Variants in CSMD2 observed in about 807,000 individuals in gnomAD.
The protein encoded by CSMD2 is CUB and sushi domain-containing protein 2.
In CSMD2, 130 loss-of-function variants were observed where a neutral mutation model predicts 398.5. The observed-to-expected ratio is 0.33, with a 90% confidence interval of 0.28 to 0.38. The LOEUF (loss-of-function observed/expected upper bound fraction) is 0.38. Among genes scored for constraint, CSMD2 ranks in the 10% least tolerant of loss-of-function variants. CSMD2 has a pLI of 1.00. For missense variants in CSMD2, 3,829 were observed against 4,764.9 expected, an observed-to-expected ratio of 0.80 and a Z score of 5.78; for synonymous variants, 1,828 against 1,908.5, an observed-to-expected ratio of 0.96 and a Z score of 1.10.
At chr1:33,544,073 G>A (rs1235681545) in intron 57 of CSMD2, among the ~76,000 whole-genome samples, 2 of 150,550 alleles carry the variant, frequency 1.3e-5, no homozygotes, top group East Asian at 1.9e-4. Flanking sequence ...TGGAATCCTC[G>A]CTGGAGTGAC....
intron 5 of CSMD2, among the ~76,000 whole-genome samples, chr1:33,914,053 T>A (rs963948534): frequency 2.0e-5 from 3 of 152,096 alleles, no homozygotes; most frequent in Non-Finnish European, 4.4e-5. Context: ...GTATCCCCAG[T>A]CCCAGTCCTT....
chr1:33,644,645 C>A (rs555711068), intron 29 of CSMD2, among the ~76,000 whole-genome samples: 8 of 151,990 alleles, frequency 5.3e-5, no homozygotes, highest in African/African-American at 1.9e-4. Flanking sequence ...GCGGGCAGGA[C>A]AATTGAGGGT....
In CSMD2 at chr1:33,743,319, G is replaced by A; in HGVS notation, c.2134C>T (p.His712Tyr). Residue 712 changes from histidine (H) to tyrosine (Y), a missense_variant, in exon 14 of 71, where the codon CAC becomes TAC. Around this residue, in one of 5 missense-constraint regions of CSMD2, gnomAD observed 2,001 missense variants for 2,567.1 expected, o/e 0.78. Transcript: ENST00000373381. ...HVARLEFQTDHSTGKRGFNIT... is the reference protein window; with the variant it reads ...HVARLEFQTDYSTGKRGFNIT... ...TTGAAGCCCCTCTTCCCTGTGGAGT[G>A]GTCAGTCTGGAACTCGAGACGGGCC... is the stretch of plus-strand genomic sequence containing the variant. 4 of 1,613,474 alleles carry A rather than the reference G, an allele frequency of 2.5e-6. No homozygotes were observed. Among genetic ancestry groups the A allele is most frequent in the Non-Finnish European group, 3.4e-6 (4 of 1,179,704 alleles).
At chr1:33,864,778 G>GC in intron 5 of CSMD2, 1 of 1,564,030 alleles carries the variant, frequency 6.4e-7, no homozygotes, top group Non-Finnish European at 8.7e-7. Context: ...AAAACAAAAT[G>GC]CCATTCAACC....
chr1:33,622,190 G>C lies in CSMD2; in HGVS notation c.5804C>G (p.Ala1935Gly), dbSNP rs1363019373. ...ACTTTTGTACTCCAAGTGGAAGCCA[G>C]CTGCAGATACGCTGATATCTGAGTA... ...HFYSDISVSA[A>G]GFHLEYKTVG... Residue 1935 changes from alanine to glycine, a missense_variant, in exon 37 of 71, where the codon GCT becomes GGT. Around this residue, in one of 5 missense-constraint regions of CSMD2, gnomAD observed 2,001 missense variants for 2,567.1 expected, o/e 0.78. Coordinates refer to ENST00000373381, the MANE Select transcript of CSMD2 (RefSeq NM_001281956.2). 6.2e-7 allele frequency: 1 copy of C among 1,613,672 alleles called. No homozygotes were observed. Among genetic ancestry groups the C allele is most frequent in the African/African-American group, 1.3e-5 (1 of 74,920 alleles).
chr1:33,719,710 T>C (rs969572528), intron 19 of CSMD2, among the ~76,000 whole-genome samples: 3 of 152,188 alleles, frequency 2.0e-5, no homozygotes, highest in Non-Finnish European at 2.9e-5. Flanking sequence ...CTCAAAGGTC[T>C]TGGCTAAGGT....
At chr1:33,763,924 A>G (rs999723175) in intron 13 of CSMD2, among the ~76,000 whole-genome samples, 2 of 152,078 alleles carry the variant, frequency 1.3e-5, no homozygotes, top group Non-Finnish European at 2.9e-5. Context: ...GCCCCAGTCC[A>G]AGGACTGGGC....
intron 55 of CSMD2, among the ~76,000 whole-genome samples, chr1:33,552,791 T>C (rs1163928811): frequency 6.6e-6 from 1 of 151,754 alleles, no homozygotes; most frequent in Non-Finnish European, 1.5e-5. Flanking sequence ...GGGTGGGCAA[T>C]GGGGAGTGAC....
chr1:33,873,906 T>G (rs1640649690), intron 5 of CSMD2: 3 of 152,260 alleles, frequency 2.0e-5, no homozygotes, highest in Admixed American at 6.5e-5. Flanking sequence ...TTACACTCTC[T>G]CCTCCCCAGG....
intron 1 of CSMD2, among the ~76,000 whole-genome samples, chr1:34,093,790 T>C (rs9425990): frequency 0.39 from 58,345 of 151,342 alleles, 12,044 homozygotes; most frequent in African/African-American, 0.53. Context: ...GATTGGTGTA[T>C]CTGAAAGTGA....
intron 2 of CSMD2, among the ~76,000 whole-genome samples, chr1:34,058,012 A>G (rs1230073713): frequency 6.6e-6 from 1 of 152,062 alleles, no homozygotes; most frequent in East Asian, 1.9e-4. Flanking sequence ...AAGCAGAGAG[A>G]ACTAGCCTGG....
Position 34,112,502 on chromosome 1 carries a change from G to A in CSMD2, c.188-23309C>T, listed in dbSNP as rs184363651. Among the ~76,000 whole-genome samples, 5 of 152,320 alleles carry A rather than the reference G, an allele frequency of 3.3e-5. No homozygotes were observed. In the East Asian group the frequency reaches 9.7e-4, roughly 29 times the overall value. On this transcript the variant is annotated intron_variant, in intron 1 of 70. Coordinates refer to ENST00000373381, the MANE Select transcript of CSMD2 (RefSeq NM_001281956.2). ...GACTGCTCTGCAGAGTTATGTGAATGAATGTCCTGGAGACCCTTCAAAGCC... is the reference window on the plus strand; with the variant it reads ...GACTGCTCTGCAGAGTTATGTGAATAAATGTCCTGGAGACCCTTCAAAGCC...
intron 5 of CSMD2, among the ~76,000 whole-genome samples, chr1:33,873,301 A>C (rs990005584): frequency 1.3e-5 from 2 of 152,186 alleles, no homozygotes; most frequent in Non-Finnish European, 2.9e-5. Flanking sequence ...GAATCATTGG[A>C]GAGCCAGAGG....
intron 44 of CSMD2, among the ~76,000 whole-genome samples, chr1:33,587,500 A>T (rs1639169475): frequency 1.3e-5 from 2 of 152,212 alleles, no homozygotes. Context: ...ACATCTGACC[A>T]TGCTGTGAGG....
Position 33,523,007 on chromosome 1 carries a change from A to G in CSMD2, c.10509+300T>C, listed in dbSNP as rs192262415. Among the ~76,000 whole-genome samples the G allele has an allele frequency of 2.4e-4, 36 of 152,318 alleles. No homozygotes were observed. In the East Asian group the frequency reaches 6.6e-3, roughly 28 times the overall value. The stretch of plus-strand genomic sequence containing the variant: ...ACCCACCACATTAATACCTTCAACT[A>G]GCCTGAATTCCCTCTGCCCCCAACC... On this transcript the variant is annotated intron_variant, in intron 67 of 70. Transcript: ENST00000373381.
At chr1:33,592,262 G>A (rs559430472) in intron 44 of CSMD2, 48 of 659,630 alleles carry the variant, frequency 7.3e-5, no homozygotes, top group African/African-American at 7.2e-4. Flanking sequence ...GGTCCACATG[G>A]AAAGTAGAAG....
intron 6 of CSMD2, among the ~76,000 whole-genome samples, chr1:33,842,801 C>A (rs1397282989): frequency 1.3e-5 from 2 of 152,100 alleles, no homozygotes; most frequent in African/African-American, 4.8e-5. Context: ...ATGTAAAACC[C>A]ATTCTTTGAT....
rs565058113 is a variant in CSMD2, at chr1:33,907,285, A to ATT, written c.920+10807_920+10808dup. ...AGGCGTCTGCCACCACGCCCAGCTA[A>ATT]TTTTTTTTTTTTTTTGTATTTTTAG... On this transcript the variant is annotated intron_variant, in intron 5 of 70. Coordinates refer to ENST00000373381, the MANE Select transcript of CSMD2 (RefSeq NM_001281956.2). Among the ~76,000 whole-genome samples, 11 of 141,012 alleles carry ATT rather than the reference A, an allele frequency of 7.8e-5. No individual in the cohort carries two copies. The South Asian group carries it at 9.2e-4, about 12-fold the overall frequency. The allele number at this position is 141,012 out of a possible 152,430, so 92.5% of individuals were successfully genotyped here.
At chr1:33,739,460 T>C (rs1438247231) in intron 14 of CSMD2, 126 bp from the exon 15 acceptor site, 1 of 898,128 alleles carries the variant, frequency 1.1e-6, no homozygotes, top group Admixed American at 2.7e-5. Context: ...ACTTGCCATG[T>C]TGGCGGGAGA....
Sources: allele counts gnomAD v4.1 joint callset (sites outside exome capture counted in the v4.1 genomes callset), GRCh38; gene constraint gnomAD v4.1.1; regional missense constraint gnomAD v4.1.1; transcripts MANE v1.5; gene names NCBI Gene and HGNC (gene_info 2026-07-23, HGNC 2026-07-21).